The following GRID1 variants were observed in gnomAD, a reference collection of about 807,000 sequenced individuals.
GRID1 encodes the protein glutamate receptor ionotropic, delta-1.
A neutral mutation model predicts 98.0 loss-of-function variants in GRID1; 28 were observed. That is an observed-to-expected ratio of 0.29 (90% CI 0.21 to 0.39). GRID1 has a LOEUF of 0.39. Ranked by LOEUF, GRID1 falls within the 10% of genes least tolerant of loss-of-function variation. The pLI is 1.00. For synonymous variants in GRID1, 553 were observed against 538.5 expected (o/e 1.03, Z -0.37); for missense variants, 1,111 against 1,340.5 (o/e 0.83, Z 2.67).
intron 8 of GRID1, among the ~76,000 whole-genome samples, chr10:85,824,061 T>G (rs768918551): frequency 2.0e-5 from 3 of 152,182 alleles, no homozygotes; most frequent in Non-Finnish European, 2.9e-5. Flanking sequence ...TATAACTAAA[T>G]AGTGATTAAA....
intron 2 of GRID1, among the ~76,000 whole-genome samples, chr10:86,358,408 T>C (rs1848560798): frequency 6.6e-6 from 1 of 152,096 alleles, no homozygotes; most frequent in Admixed American, 6.5e-5. Context: ...TCTGTGAATA[T>C]GTTAGGCTAC....
At chr10:86,003,420 T>G (rs1382379826) in intron 4 of GRID1, among the ~76,000 whole-genome samples, 1 of 152,240 alleles carries the variant, frequency 6.6e-6, no homozygotes. Context: ...ACAAGAAGTA[T>G]TTTTAATTCC....
chr10:86,183,506 T>C (rs1845687027), intron 3 of GRID1, among the ~76,000 whole-genome samples: 1 of 152,142 alleles, frequency 6.6e-6, no homozygotes, highest in Admixed American at 6.5e-5. Flanking sequence ...ATTACAGGCA[T>C]GCGCCACCAT....
chr10:86,081,750 A>G (rs1175746374), intron 4 of GRID1, among the ~76,000 whole-genome samples: 1 of 152,234 alleles, frequency 6.6e-6, no homozygotes, highest in African/African-American at 2.4e-5. Flanking sequence ...TTGCTAAGTG[A>G]AAGAAGCCAA....
At chr10:85,796,160 T>G (rs1842524236) in intron 8 of GRID1, among the ~76,000 whole-genome samples, 1 of 152,116 alleles carries the variant, frequency 6.6e-6, no homozygotes, top group Non-Finnish European at 1.5e-5. Context: ...AGATCAAAGC[T>G]GGAATCACAG....
At chr10:85,733,875 A>T (rs1841851394) in intron 8 of GRID1, among the ~76,000 whole-genome samples, 1 of 152,236 alleles carries the variant, frequency 6.6e-6, no homozygotes, top group Admixed American at 6.5e-5. Flanking sequence ...TGTGTTACAT[A>T]TAGGTGATGG....
intron 4 of GRID1, among the ~76,000 whole-genome samples, chr10:86,079,849 G>T (rs371862745): frequency 6.6e-6 from 1 of 152,138 alleles, no homozygotes; most frequent in Non-Finnish European, 1.5e-5. Flanking sequence ...TTCTTTAAGC[G>T]GACGTTATTT....
intron 2 of GRID1, among the ~76,000 whole-genome samples, chr10:86,212,848 T>G (rs1846125484): frequency 6.6e-6 from 1 of 152,232 alleles, no homozygotes; most frequent in South Asian, 2.1e-4. Flanking sequence ...CTATGGAGAA[T>G]AAATACGTTT....
chr10:86,154,546 G>A (rs944949422), intron 3 of GRID1, among the ~76,000 whole-genome samples: 3 of 152,276 alleles, frequency 2.0e-5, no homozygotes, highest in African/African-American at 7.2e-5. Flanking sequence ...GTCCATCCCA[G>A]CAGGAGCAGG....
intron 2 of GRID1, among the ~76,000 whole-genome samples, chr10:86,299,721 C>G (rs1847653855): frequency 6.6e-6 from 1 of 152,120 alleles, no homozygotes; most frequent in Admixed American, 6.5e-5. Flanking sequence ...AGGGCTTGTG[C>G]CTGTCCCTCC....
chr10:85,700,078 C>T (rs997474753), intron 12 of GRID1, among the ~76,000 whole-genome samples: 3 of 152,176 alleles, frequency 2.0e-5, no homozygotes, highest in Non-Finnish European at 2.9e-5. Flanking sequence ...CGTTCTTCAG[C>T]CCAGGACTCC....
intron 12 of GRID1, among the ~76,000 whole-genome samples, chr10:85,651,397 G>A (rs1011167304): frequency 6.6e-6 from 1 of 152,182 alleles, no homozygotes; most frequent in African/African-American, 2.4e-5. Flanking sequence ...CATGTGATTG[G>A]AGCCTATCTC....
intron 12 of GRID1, among the ~76,000 whole-genome samples, chr10:85,656,133 T>C (rs982407237): frequency 6.6e-6 from 1 of 152,208 alleles, no homozygotes; most frequent in Non-Finnish European, 1.5e-5. Context: ...ATCCCTCTGC[T>C]GATCTGAAAC....
chr10:85,614,662 C>T (rs1842768774), intron 14 of GRID1, among the ~76,000 whole-genome samples: 1 of 152,072 alleles, frequency 6.6e-6, no homozygotes, highest in Admixed American at 6.5e-5. Context: ...AGAAAAATGG[C>T]CAGTGAGACT....
chr10:86,244,811 A>T (rs1846695493), intron 2 of GRID1, among the ~76,000 whole-genome samples: 1 of 152,274 alleles, frequency 6.6e-6, no homozygotes. Flanking sequence ...ATCCTCAGAG[A>T]TGTAAATTAT....
At chr10:86,122,660 C>T (rs867548013) in intron 4 of GRID1, among the ~76,000 whole-genome samples, 1 of 152,236 alleles carries the variant, frequency 6.6e-6, no homozygotes, top group African/African-American at 2.4e-5. Context: ...TAGAAAGAAA[C>T]AGTCATGATT....
chr10:86,338,862 T>TTTTAATTCACACAAATACCCTGGGTA (rs1484598770), intron 2 of GRID1, among the ~76,000 whole-genome samples: 3 of 152,138 alleles, frequency 2.0e-5, no homozygotes, highest in East Asian at 1.9e-4. Context: ...CTGGCTCCCA[T>TTTTAATTCACACAAATACCCTGGGTA]TTTAATTCAC....
At chr10:86,119,098 G>A (rs1844629379) in intron 4 of GRID1, among the ~76,000 whole-genome samples, 1 of 152,188 alleles carries the variant, frequency 6.6e-6, no homozygotes, top group Non-Finnish European at 1.5e-5. Context: ...CACTTTCAGA[G>A]GCTAAGGCAG....
Position 85,737,686 on chromosome 10 carries a change from T to TTA in GRID1, c.1234-8074_1234-8073dup, listed in dbSNP as rs368871750. 6.1e-3 allele frequency among the ~76,000 whole-genome samples: 579 copies of TTA among 95,526 alleles called. 23 individuals are homozygous for TTA. The highest frequency in any genetic ancestry group is 0.016 in the African/African-American group (424 of 27,066). The allele number at this position is 95,526 out of a possible 152,430, so 62.7% of individuals were successfully genotyped here. On this transcript the variant is annotated intron_variant, in intron 8 of 15. Transcript: ENST00000327946. ...TATATATATATATAAACATATATGG[T>TTA]TATATATATATATATATAACATACA...
Sources: gnomAD v4.1 joint callset for allele counts (sites outside exome capture counted in the v4.1 genomes callset) on GRCh38, gnomAD v4.1.1 for gene constraint, MANE v1.5 for transcripts, NCBI Gene and HGNC (gene_info 2026-07-23, HGNC 2026-07-21) for gene names.